Variants in TFEC observed in about 807,000 individuals in gnomAD.
TFEC encodes the protein class E basic helix-loop-helix protein 34.
In TFEC, 31 loss-of-function variants were observed where a neutral mutation model predicts 41.6. The observed-to-expected ratio is 0.74, with a 90% CI of 0.56 to 1.01. The LOEUF is 1.01. Among genes scored for constraint, TFEC ranks in the 50% least tolerant of loss-of-function variants. The probability of loss-of-function intolerance (pLI) is 0.00; values close to 1 mark genes in which losing one functional copy is unlikely to be tolerated. For synonymous variants in TFEC, 143 were observed against 140.6 expected (o/e 1.02, Z -0.12); for missense variants, 402 against 404.1 (o/e 0.99, Z 0.04).
At chr7:116,144,823 T>C (rs1416991193) in intron 1 of TFEC, among the ~76,000 whole-genome samples, 1 of 152,234 alleles carries the variant, frequency 6.6e-6, no homozygotes, top group Non-Finnish European at 1.5e-5. Context: ...GTTTCTCATC[T>C]GTTGCCCTGC....
At chr7:116,107,104 C>A (rs1797735893) in intron 3 of TFEC, among the ~76,000 whole-genome samples, 1 of 152,152 alleles carries the variant, frequency 6.6e-6, no homozygotes, top group South Asian at 2.1e-4. Flanking sequence ...TTTAAGAGAA[C>A]TAATCACCTA....
chr7:116,088,395 G>C (rs1356353231), intron 3 of TFEC, among the ~76,000 whole-genome samples: 1 of 152,104 alleles, frequency 6.6e-6, no homozygotes, highest in Admixed American at 6.6e-5. Flanking sequence ...GTACATGGTA[G>C]TAGTCGGCTA....
At chr7:116,117,895 T>C (rs1013051242) in intron 1 of TFEC, among the ~76,000 whole-genome samples, 2 of 151,866 alleles carry the variant, frequency 1.3e-5, no homozygotes, top group East Asian at 1.9e-4. Context: ...CTCTAAAATA[T>C]GGTAAATTTC....
At chr7:116,137,047 T>C (rs890174784) in intron 1 of TFEC, among the ~76,000 whole-genome samples, 11 of 152,108 alleles carry the variant, frequency 7.2e-5, no homozygotes, top group African/African-American at 2.7e-4. Context: ...TTGTTTCTTC[T>C]ATAAATTTGT....
At chr7:116,078,908 G>A (rs1211510691) in intron 3 of TFEC, among the ~76,000 whole-genome samples, 2 of 152,052 alleles carry the variant, frequency 1.3e-5, no homozygotes, top group Non-Finnish European at 2.9e-5. Flanking sequence ...TATCCCTGAT[G>A]AACACAGATG....
chr7:115,989,792 T>C (rs1794025424), intron 1 of TFEC, among the ~76,000 whole-genome samples: 1 of 152,140 alleles, frequency 6.6e-6, no homozygotes, highest in South Asian at 2.1e-4. Flanking sequence ...AGACTCCACC[T>C]CTAGGGGCAG....
intron 3 of TFEC, among the ~76,000 whole-genome samples, chr7:116,068,702 G>A (rs1282784799): frequency 2.6e-5 from 4 of 151,306 alleles, no homozygotes; most frequent in Non-Finnish European, 3.0e-5. Flanking sequence ...ATATCTTAAT[G>A]AGAATTAATA....
chr7:116,115,697 G>A (rs927681801), intron 1 of TFEC, among the ~76,000 whole-genome samples: 6 of 151,894 alleles, frequency 4.0e-5, no homozygotes, highest in East Asian at 3.9e-4. Flanking sequence ...CACAAGTTCC[G>A]GGGATTAGGA....
At chr7:115,955,712 G>C (rs1792188329) in intron 4 of TFEC, among the ~76,000 whole-genome samples, 1 of 151,924 alleles carries the variant, frequency 6.6e-6, no homozygotes, top group Admixed American at 6.6e-5. Flanking sequence ...CTAAATTTCA[G>C]GGGTAATTTG....
chr7:115,974,063 CTG>C, intron 3 of TFEC, 105 bp downstream of exon 3: 1 of 811,042 alleles, frequency 1.2e-6, no homozygotes, highest in Non-Finnish European at 1.9e-6. Flanking sequence ...TTTATCTTGT[CTG>C]TTTAAAAAGT....
chr7:115,941,262 T>G (rs1793483378), intron 7 of TFEC: 1 of 195,718 alleles, frequency 5.1e-6, no homozygotes, highest in Non-Finnish European at 1.0e-5. Context: ...GATTAATTTC[T>G]CACTGTAAAT....
chr7:116,080,976 A>AGTGTATGTGTGTGT (rs1424213374), intron 3 of TFEC, among the ~76,000 whole-genome samples: 2 of 137,946 alleles, frequency 1.4e-5, no homozygotes, highest in Admixed American at 7.3e-5. Flanking sequence ...AAGAAAATGT[A>AGTGTATGTGTGTGT]GTGTGTGTGT....
intron 6 of TFEC, among the ~76,000 whole-genome samples, chr7:115,943,569 C>A (rs973857968): frequency 6.7e-6 from 1 of 149,538 alleles, no homozygotes; most frequent in African/African-American, 2.4e-5. Context: ...TTTTTAAGTT[C>A]CTCTATTTTA....
intron 1 of TFEC, among the ~76,000 whole-genome samples, chr7:116,123,340 T>C (rs771483898): frequency 6.6e-6 from 1 of 152,100 alleles, no homozygotes; most frequent in Non-Finnish European, 1.5e-5. Context: ...TCTGAGTCAG[T>C]TTCTCTTAGT....
intron 3 of TFEC, among the ~76,000 whole-genome samples, chr7:116,068,051 T>C (rs1449449194): frequency 6.6e-6 from 1 of 151,870 alleles, no homozygotes; most frequent in Non-Finnish European, 1.5e-5. Context: ...ATATCGACCA[T>C]TTGGGAATTT....
intron 3 of TFEC, among the ~76,000 whole-genome samples, chr7:116,040,533 T>C (rs1056492524): frequency 6.6e-6 from 1 of 152,200 alleles, no homozygotes; most frequent in African/African-American, 2.4e-5. Context: ...TTTAATATTA[T>C]TTTTGCTTTA....
chr7:116,061,790 G>C (rs1450918865), intron 3 of TFEC, among the ~76,000 whole-genome samples: 1 of 152,052 alleles, frequency 6.6e-6, no homozygotes. Flanking sequence ...AAAACTCTTT[G>C]AACAGACACT....
At chr7:116,140,206 A>G (rs1314196451) in intron 1 of TFEC, among the ~76,000 whole-genome samples, 1 of 152,204 alleles carries the variant, frequency 6.6e-6, no homozygotes, top group Non-Finnish European at 1.5e-5. Flanking sequence ...GGAATCTAGA[A>G]AGAGGCAACT....
chr7:116,099,452 T>C (rs1562968940), intron 3 of TFEC, among the ~76,000 whole-genome samples: 3 of 152,186 alleles, frequency 2.0e-5, no homozygotes, highest in Admixed American at 2.0e-4. Flanking sequence ...ACGGCGACTC[T>C]AGAGTTAGCC....
Sources: allele counts gnomAD v4.1 joint callset (sites outside exome capture counted in the v4.1 genomes callset), GRCh38; gene constraint gnomAD v4.1.1; transcripts MANE v1.5; gene names NCBI Gene and HGNC (gene_info 2026-07-23, HGNC 2026-07-21).